MARCO: variants seen among roughly 807,000 people sequenced by gnomAD.
The protein encoded by MARCO is macrophage receptor MARCO.
A neutral mutation model predicts 70.0 loss-of-function variants in MARCO; 72 were observed. The observed-to-expected ratio is 1.03, with a 90% CI of 0.85 to 1.25. MARCO has a LOEUF of 1.25. Among genes scored for constraint, MARCO ranks in the 50% most tolerant of loss-of-function variants. The pLI, the probability that MARCO is intolerant of heterozygous loss-of-function variation, is 0.00. For missense variants in MARCO, 696 were observed against 659.3 expected (o/e 1.06, Z -0.61); for synonymous variants, 273 against 243.1 (o/e 1.12, Z -1.14).
intron 16 of MARCO, 91 bp downstream of exon 16, chr2:118,993,391 G>C (rs992327054): frequency 3.0e-6 from 4 of 1,336,004 alleles, no homozygotes; most frequent in East Asian, 2.3e-5. Context: ...ACTCAGTGTG[G>C]TTTTCTTTAA....
rs746100853 is a variant in MARCO at position 118,962,523 on chromosome 2, T to G, written c.98-6637T>G. On this transcript the variant is annotated intron_variant, in intron 1 of 16. Coordinates refer to ENST00000327097, the MANE Select transcript of MARCO (RefSeq NM_006770.4). ...CACAATTTTGTTCTCTGCTTGCCTT[T>G]TACTGAAGATTTTTGTGTCAAAGTT... Among the ~76,000 whole-genome samples the G allele has an allele frequency of 5.9e-5, 9 of 152,212 alleles. No homozygotes were observed. The East Asian group carries it at 1.7e-3, about 29-fold the overall frequency.
At chr2:118,960,983 T>C (rs558831187) in intron 1 of MARCO, among the ~76,000 whole-genome samples, 1 of 152,304 alleles carries the variant, frequency 6.6e-6, no homozygotes, top group Admixed American at 6.5e-5. Context: ...AGTGAGAACA[T>C]GCAGTGTTTG....
chr2:118,986,736 AAG>A lies in MARCO; in HGVS notation c.1064-3849_1064-3848del, dbSNP rs1237317460. 1.7e-4 allele frequency among the ~76,000 whole-genome samples: 25 copies of A among 149,460 alleles called. 1 individual carries two copies. The highest frequency in any genetic ancestry group is 4.3e-4 in the South Asian group (2 of 4,686). ...AAGAAAGAAAGAAAAGAAAGAAAGA[AAG>A]AGAAAGAAAGAGAAAGAAAGAAGAA... On this transcript the variant is annotated intron_variant, in intron 12 of 16. Coordinates refer to ENST00000327097, the MANE Select transcript of MARCO (RefSeq NM_006770.4).
chr2:118,944,599 A>G (rs1485170240), intron 1 of MARCO, among the ~76,000 whole-genome samples: 1 of 152,066 alleles, frequency 6.6e-6, no homozygotes, highest in Non-Finnish European at 1.5e-5. Context: ...ATTTTTCTCT[A>G]TTGTTGGTAT....
intron 8 of MARCO, among the ~76,000 whole-genome samples, chr2:118,980,067 A>T (rs1279685169): frequency 6.6e-6 from 1 of 152,164 alleles, no homozygotes; most frequent in African/African-American, 2.4e-5. Flanking sequence ...AAGTTATAGC[A>T]ACACAGATGC....
chr2:118,986,650 A>AAAGAAAGAAAGAAAGAAAGAAAG, intron 12 of MARCO, among the ~76,000 whole-genome samples: 1 of 50,434 alleles, frequency 2.0e-5, no homozygotes, highest in East Asian at 7.0e-4. Flanking sequence ...AGAAAGAAAG[A>AAAGAAAGAAAGAAAGAAAGAAAG]AAGAAGGAAG....
chr2:118,958,764 A>C (rs1400705029), intron 1 of MARCO, among the ~76,000 whole-genome samples: 1 of 152,210 alleles, frequency 6.6e-6, no homozygotes, highest in African/African-American at 2.4e-5. Context: ...CTATACTATA[A>C]GGCCACAGTC....
At chr2:118,994,365 C>A in intron 16 of MARCO, 22 bp from the exon 17 acceptor site, 1 of 1,614,006 alleles carries the variant, frequency 6.2e-7, no homozygotes, top group Non-Finnish European at 8.5e-7. Flanking sequence ...CTTCCTCTGT[C>A]TCTTGCTTTC....
chr2:118,950,282 A>G (rs1679695239), intron 1 of MARCO, among the ~76,000 whole-genome samples: 2 of 152,154 alleles, frequency 1.3e-5, no homozygotes, highest in Non-Finnish European at 1.5e-5. Context: ...TTAACCTTTT[A>G]TAATTTTTTG....
intron 4 of MARCO, among the ~76,000 whole-genome samples, chr2:118,971,958 T>C (rs1212508582): frequency 6.6e-6 from 1 of 152,124 alleles, no homozygotes; most frequent in Non-Finnish European, 1.5e-5. Flanking sequence ...AGGGCAGTAA[T>C]GATGGGAGGC....
At chr2:118,957,287 G>C (rs1319956439) in intron 1 of MARCO, among the ~76,000 whole-genome samples, 5 of 151,936 alleles carry the variant, frequency 3.3e-5, no homozygotes, top group African/African-American at 1.2e-4. Context: ...ACCTCACTAA[G>C]AAATAAAACA....
intron 12 of MARCO, among the ~76,000 whole-genome samples, chr2:118,986,717 GAAAGAAAAGAA>G (rs1400306289): frequency 2.0e-5 from 2 of 102,026 alleles, no homozygotes; most frequent in Admixed American, 1.8e-4. Flanking sequence ...AAGAAAGAAA[GAAAGAAAAGAA>G]AGAAAGAAAG....
chr2:118,955,981 A>C (rs1041252684), intron 1 of MARCO, among the ~76,000 whole-genome samples: 2 of 152,134 alleles, frequency 1.3e-5, no homozygotes, highest in African/African-American at 4.8e-5. Flanking sequence ...TTAAATCTTG[A>C]AACAAATCCC....
Position 118,977,958 on chromosome 2 carries a change from C to T in MARCO, c.766+23C>T, listed in dbSNP as rs371156381. 267 of 1,532,538 alleles carry T rather than the reference C, an allele frequency of 1.7e-4. 2 individuals carry two copies. The highest frequency in any genetic ancestry group is 1.7e-3 in the Middle Eastern group (10 of 5,828). 94.9% of individuals were successfully genotyped at this position (1,532,538 alleles called of 1,614,324 possible). ...CAGGTGAGGGCCGTATTGGGGGTGT[C>T]GGTGCTTGCCAGGAGGCCTGAGGGA... On this transcript the variant is annotated intron_variant, in intron 8 of 16. Coordinates refer to ENST00000327097, the MANE Select transcript of MARCO (RefSeq NM_006770.4).
chr2:118,944,106 T>C (rs1021865739), intron 1 of MARCO, among the ~76,000 whole-genome samples: 2 of 152,122 alleles, frequency 1.3e-5, no homozygotes, highest in Admixed American at 6.6e-5. Flanking sequence ...GAACCCTAGA[T>C]TTCTGACCTG....
At chr2:118,961,563 GT>G (rs995889443) in intron 1 of MARCO, among the ~76,000 whole-genome samples, 61 of 152,022 alleles carry the variant, frequency 4.0e-4, no homozygotes, top group African/African-American at 1.4e-3. Context: ...TTTTAATGAG[GT>G]TGTTTTTTTT....
intron 12 of MARCO, among the ~76,000 whole-genome samples, chr2:118,983,393 C>A (rs80160036): frequency 0.01 from 1,534 of 152,314 alleles, 20 homozygotes; most frequent in African/African-American, 0.036. Flanking sequence ...CACCTCCTGG[C>A]AAACCTTGGG....
chr2:118,993,061 C>G lies in MARCO; in HGVS notation c.1253-63C>G, dbSNP rs990834294. The G allele has an allele frequency of 4.8e-5, 67 of 1,410,400 alleles. 1 individual carries two copies. The highest frequency in any genetic ancestry group is 6.4e-5 in the Non-Finnish European group (64 of 1,007,124). 87.4% of individuals were successfully genotyped at this position (1,410,400 alleles called of 1,614,324 possible). On this transcript the variant is annotated intron_variant, in intron 15 of 16. Transcript: ENST00000327097. ...GAACTCCAAAATGAAAAGAAAGAGCCCGCACTTACCCAAAGCCCCAAGGGG... is the reference window on the plus strand; with the variant it reads ...GAACTCCAAAATGAAAAGAAAGAGCGCGCACTTACCCAAAGCCCCAAGGGG...
At chr2:118,945,005 T>C (rs1372560542) in intron 1 of MARCO, 11 of 152,180 alleles carry the variant, frequency 7.2e-5, no homozygotes, top group African/African-American at 2.7e-4. Context: ...ATTTATGATG[T>C]ACACGTGATG....
Sources: allele counts gnomAD v4.1 joint callset (sites outside exome capture counted in the v4.1 genomes callset), GRCh38; gene constraint gnomAD v4.1.1; transcripts MANE v1.5; gene names NCBI Gene and HGNC (gene_info 2026-07-23, HGNC 2026-07-21).